Variants in CDH23 observed in about 807,000 individuals in gnomAD.
CDH23 encodes the protein cadherin related 23.
Under a neutral mutation model 317.1 loss-of-function variants are expected in CDH23, and 189 were observed. The observed-to-expected ratio is 0.60, with a 90% CI of 0.53 to 0.67. CDH23 has a LOEUF of 0.67. Ranked by LOEUF, CDH23 falls within the 30% of genes least tolerant of loss-of-function variation. The pLI is 0.00. For missense variants in CDH23, 4,401 were observed against 4,592.4 expected (o/e 0.96, Z 1.20); for synonymous variants, 1,839 against 1,876.8 (o/e 0.98, Z 0.52).
chr10:71,761,294 C>T (rs917252010), intron 38 of CDH23, among the ~76,000 whole-genome samples: 3 of 152,332 alleles, frequency 2.0e-5, no homozygotes, highest in Admixed American at 2.0e-4. Context: ...TGCCTATACC[C>T]ACAGCAGCCA....
At position 71,784,341 on chromosome 10, in the gene CDH23, A is replaced by G. The variant is rs1192801717; in HGVS notation, c.5423A>G (p.Glu1808Gly). Residue 1808 changes from glutamate to glycine, a missense_variant, in exon 42 of 70, where the codon GAG becomes GGG. Physicochemically the swap from Glu to Gly is moderately conservative, Grantham distance 98 (BLOSUM62 -2). Transcript: ENST00000224721. ...EGVLRVRKDV[E>G]LDRETIAFYN... ...GTGCTAAGGGTCCGGAAGGACGTGG[A>G]GCTGGACCGGGAGACCATCGCCTTC... is the stretch of plus-strand genomic sequence containing the variant. The G allele has an allele frequency of 6.2e-7, 1 of 1,613,866 alleles. No individual in the cohort carries two copies. Among genetic ancestry groups the G allele is most frequent in the East Asian group, 2.2e-5 (1 of 44,876 alleles).
intron 3 of CDH23, among the ~76,000 whole-genome samples, chr10:71,459,029 G>A (rs1363777548): frequency 6.7e-6 from 1 of 148,290 alleles, no homozygotes; most frequent in African/African-American, 2.5e-5. Flanking sequence ...TTGTGATCCA[G>A]CCCGCCCTGG....
chr10:71,515,394 T>TCTCTCTCTCTCTCTCTCACACA (rs1491490493), intron 6 of CDH23, among the ~76,000 whole-genome samples: 393 of 26,540 alleles, frequency 0.015, 5 homozygotes, highest in African/African-American at 0.03. Flanking sequence ...TCTCTCTCTC[T>TCTCTCTCTCTCTCTCTCACACA]CACACACACA....
intron 6 of CDH23, among the ~76,000 whole-genome samples, chr10:71,560,640 G>A (rs749570432): frequency 4.6e-5 from 7 of 151,982 alleles, no homozygotes; most frequent in Non-Finnish European, 8.8e-5. Flanking sequence ...AGCAGGGAGC[G>A]GAGGTGTATA....
intron 38 of CDH23, among the ~76,000 whole-genome samples, chr10:71,752,584 C>T (rs541433383): frequency 1.1e-4 from 17 of 152,286 alleles, no homozygotes; most frequent in South Asian, 1.0e-3. Context: ...TGGCCTGCAG[C>T]GGCCTAACAG....
chr10:71,651,315 C>T (rs10999931), intron 14 of CDH23, among the ~76,000 whole-genome samples: 54,808 of 148,648 alleles, frequency 0.37, 10,821 homozygotes, highest in East Asian at 0.49. Context: ...GGATCACTTG[C>T]GCCTAGGAGT....
chr10:71,424,064 G>A (rs1848936132), intron 1 of CDH23, among the ~76,000 whole-genome samples: 1 of 152,270 alleles, frequency 6.6e-6, no homozygotes, highest in Non-Finnish European at 1.5e-5. Context: ...TGGGTGGACT[G>A]GACACGCATC....
chr10:71,706,903 A>T lies in CDH23; in HGVS notation c.2960A>T (p.Asp987Val). ...STSTLTIHVL[D>V]VNDETPTFFP... Reference sequence around the variant, plus strand: ...CGCCCGTTCTGCCCCGCAGTGCTGGATGTGAACGACGAGACGCCCACCTTC... The same window carrying T: ...CGCCCGTTCTGCCCCGCAGTGCTGGTTGTGAACGACGAGACGCCCACCTTC... Residue 987 changes from aspartate (D) to valine (V), a missense_variant, in exon 26 of 70, where the codon GAT (aspartate) becomes GTT (valine). Transcript: ENST00000224721. The T allele has an allele frequency of 6.2e-7, 1 of 1,600,008 alleles. No homozygotes were observed. The highest frequency in any genetic ancestry group is 8.5e-7 in the Non-Finnish European group (1 of 1,173,848).
At chr10:71,447,269 G>A (rs771589666) in intron 3 of CDH23, among the ~76,000 whole-genome samples, 1 of 152,122 alleles carries the variant, frequency 6.6e-6, no homozygotes, top group Non-Finnish European at 1.5e-5. Flanking sequence ...GAGTGGGGCG[G>A]GGTATCAAGA....
chr10:71,634,853 T>C (rs1564700200), intron 11 of CDH23, among the ~76,000 whole-genome samples: 1 of 152,272 alleles, frequency 6.6e-6, no homozygotes, highest in Non-Finnish European at 1.5e-5. Flanking sequence ...GCTTGCCCTT[T>C]GGCCATACCC....
intron 9 of CDH23, among the ~76,000 whole-genome samples, chr10:71,613,926 T>C (rs537791659): frequency 6.6e-5 from 10 of 152,374 alleles, no homozygotes; most frequent in Middle Eastern, 3.4e-3. Flanking sequence ...TGAGTCCTTA[T>C]TTTGTGCCGG....
intron 3 of CDH23, among the ~76,000 whole-genome samples, chr10:71,456,286 A>T (rs777386188): frequency 6.6e-6 from 1 of 151,164 alleles, no homozygotes; most frequent in Admixed American, 6.6e-5. Context: ...AGAAGGGAGG[A>T]CTTTTCTCTC....
intron 9 of CDH23, among the ~76,000 whole-genome samples, chr10:71,596,204 C>T (rs563273550): frequency 4.6e-5 from 7 of 152,126 alleles, no homozygotes; most frequent in South Asian, 2.1e-4. Flanking sequence ...ATTAGGATGT[C>T]GGTGGGATCC....
chr10:71,419,901 G>T (rs1447936031), intron 1 of CDH23, among the ~76,000 whole-genome samples: 1 of 152,144 alleles, frequency 6.6e-6, no homozygotes, highest in African/African-American at 2.4e-5. Flanking sequence ...GTCACCAGGG[G>T]TTTCACTTGG....
At chr10:71,578,058 G>A (rs1267581498) in intron 9 of CDH23, 66 bp downstream of exon 9, 1 of 1,455,738 alleles carries the variant, frequency 6.9e-7, no homozygotes, top group Non-Finnish European at 9.4e-7. Context: ...GAGCCAGTAG[G>A]CATCTCAGGC....
At chr10:71,693,706 T>A (rs960685548) in intron 20 of CDH23, among the ~76,000 whole-genome samples, 4 of 152,190 alleles carry the variant, frequency 2.6e-5, no homozygotes, top group Non-Finnish European at 5.9e-5. Flanking sequence ...CTATTATGGT[T>A]CCCTTTGGAC....
chr10:71,463,017 C>G (rs56061344), intron 3 of CDH23, among the ~76,000 whole-genome samples: 1 of 152,188 alleles, frequency 6.6e-6, no homozygotes, highest in Admixed American at 6.5e-5. Context: ...GCATTTCCCC[C>G]GTCTAAAATG....
chr10:71,739,058 C>T (rs879736146), intron 35 of CDH23, among the ~76,000 whole-genome samples: 1 of 152,206 alleles, frequency 6.6e-6, no homozygotes. Flanking sequence ...TGATGAAACC[C>T]GCCAGTGTTC....
At chr10:71,507,107 C>T (rs892603908) in intron 3 of CDH23, among the ~76,000 whole-genome samples, 2 of 152,094 alleles carry the variant, frequency 1.3e-5, no homozygotes, top group Non-Finnish European at 2.9e-5. Flanking sequence ...AGCTTGGCCC[C>T]AGATCCTCCA....
Sources: gnomAD v4.1 joint callset for allele counts (sites outside exome capture counted in the v4.1 genomes callset) on GRCh38, gnomAD v4.1.1 for gene constraint, MANE v1.5 for transcripts, NCBI Gene and HGNC (gene_info 2026-07-23, HGNC 2026-07-21) for gene names.